PAICS: variants seen among roughly 807,000 people sequenced by gnomAD.
PAICS encodes the protein bifunctional phosphoribosylaminoimidazole carboxylase/phosphoribosylaminoimidazole succinocarboxamide synthetase.
PAICS carries 33 observed loss-of-function variants against 53.7 expected under a neutral mutation model. The observed-to-expected ratio is 0.61, with a 90% CI of 0.47 to 0.82. The LOEUF (loss-of-function observed/expected upper bound fraction) is 0.82. Ranked by LOEUF, PAICS falls within the 40% of genes least tolerant of loss-of-function variation. The probability of loss-of-function intolerance (pLI) is 0.00; values close to 1 mark genes in which losing one functional copy is unlikely to be tolerated. For missense variants in PAICS, 394 were observed against 494.1 expected, an observed-to-expected ratio of 0.80 and a Z score of 1.92; for synonymous variants, 141 against 167.2, an observed-to-expected ratio of 0.84 and a Z score of 1.21.
upstream of PAICS, chr4:56,436,062 C>G: frequency 1.3e-6 from 2 of 1,500,046 alleles, no homozygotes; most frequent in Non-Finnish European, 1.8e-6. Flanking sequence ...CGGGGCGGCC[C>G]GGAGGCGGGG....
chr4:56,460,698 C>T lies in PAICS; in HGVS notation c.*1160C>T, dbSNP rs146221824. 1 of 152,340 alleles carries T rather than the reference C, an allele frequency of 6.6e-6. No individual in the cohort carries two copies. The highest frequency in any genetic ancestry group is 1.5e-5 in the Non-Finnish European group (1 of 68,054). 9.4% of individuals were successfully genotyped at this position (152,340 alleles called of 1,614,324 possible). A position where few individuals can be genotyped will look rare whatever the true frequency, so the allele number is the denominator to read the frequency against. ...TAAGAATTGATGAGGTAGCTGGGCACAGTGGCTCACACCTACGATCACAGC... is the reference window on the plus strand; with the variant it reads ...TAAGAATTGATGAGGTAGCTGGGCATAGTGGCTCACACCTACGATCACAGC... On this transcript the variant is annotated 3_prime_UTR_variant, in exon 9 of 9. Coordinates refer to ENST00000512576, the MANE Select transcript of PAICS (RefSeq NM_001079524.2).
intron 1 of PAICS, among the ~76,000 whole-genome samples, chr4:56,440,654 T>G (rs1405444888): frequency 6.6e-6 from 1 of 152,228 alleles, no homozygotes; most frequent in African/African-American, 2.4e-5. Flanking sequence ...TTTCAACCTG[T>G]CACTTTCTTG....
chr4:56,453,758 AGTG>A lies in PAICS; in HGVS notation c.1111_1111+2del. 6.5e-7 allele frequency: 1 copy of A among 1,542,048 alleles called. No individual in the cohort carries two copies. Among genetic ancestry groups the A allele is most frequent in the Admixed American group, 2.0e-5 (1 of 50,880 alleles). ...TGTGTGGTCTTCTCTTCGACTACCC[AGTG>A]GTAAGATACATTGAATTTTTAAAAA... On this transcript the variant is annotated inframe_deletion and splice_region_variant, in exon 8 of 9. Transcript: ENST00000512576.
At chr4:56,457,214 C>G (rs2110099651) in intron 8 of PAICS, among the ~76,000 whole-genome samples, 1 of 152,150 alleles carries the variant, frequency 6.6e-6, no homozygotes, top group Non-Finnish European at 1.5e-5. Flanking sequence ...ATTGCCTGAG[C>G]TCAGCCTAGG....
At chr4:56,453,890 T>G (rs1217920576) in intron 8 of PAICS, 129 bp downstream of exon 8, 4 of 532,182 alleles carry the variant, frequency 7.5e-6, no homozygotes, top group Non-Finnish European at 1.3e-5. Context: ...TCTTGTTGTG[T>G]CTACAGCCAT....
At chr4:56,458,691 C>G (rs1199744583) in intron 8 of PAICS, among the ~76,000 whole-genome samples, 1 of 152,132 alleles carries the variant, frequency 6.6e-6, no homozygotes, top group Non-Finnish European at 1.5e-5. Context: ...CCAAGAATAT[C>G]GGGAAAATCG....
At chr4:56,449,459 T>G (rs774858801) in intron 5 of PAICS, among the ~76,000 whole-genome samples, 1 of 152,176 alleles carries the variant, frequency 6.6e-6, no homozygotes, top group Non-Finnish European at 1.5e-5. Context: ...GACAGTGTGG[T>G]GATTCCTCAA....
chr4:56,463,167 T>A lies in PAICS; in HGVS notation c.*3629T>A, dbSNP rs1270637434. 6.6e-6 allele frequency: 1 copy of A among 152,138 alleles called. No homozygotes were observed. The highest frequency in any genetic ancestry group is 1.5e-5 in the Non-Finnish European group (1 of 68,044). The allele number at this position is 152,138 out of a possible 1,614,324, so 9.4% of individuals were successfully genotyped here. ...CATTGAAAAGAGTTGTTTTTAATGGTGTTTTTACATCCAGCTTCCCACACC... is the reference window on the plus strand; with the variant it reads ...CATTGAAAAGAGTTGTTTTTAATGGAGTTTTTACATCCAGCTTCCCACACC... On this transcript the variant is annotated 3_prime_UTR_variant, in exon 9 of 9. Transcript: ENST00000512576.
chr4:56,459,991 G>A lies in PAICS; in HGVS notation c.*453G>A. 1 of 154,182 alleles carries A rather than the reference G, an allele frequency of 6.5e-6. No individual in the cohort carries two copies. The highest frequency in any genetic ancestry group is 1.4e-5 in the Non-Finnish European group (1 of 69,834). 9.6% of individuals were successfully genotyped at this position (154,182 alleles called of 1,614,324 possible). On this transcript the variant is annotated 3_prime_UTR_variant, in exon 9 of 9. Transcript: ENST00000512576. ...CTGCTGCTTTCCCTCCTGGGCTCAA[G>A]CAGTTCTCCCACCTCAGCCTCTCGA...
upstream of PAICS, chr4:56,431,630 T>C (rs1464582724): frequency 2.1e-6 from 1 of 477,760 alleles, no homozygotes; most frequent in African/African-American, 2.1e-5. Context: ...TGATAATTCA[T>C]TGAATGGAAG....
upstream of PAICS, chr4:56,435,622 G>A (rs774980557): frequency 2.7e-6 from 4 of 1,473,608 alleles, no homozygotes; most frequent in Non-Finnish European, 3.6e-6. Flanking sequence ...TACTGCGGCG[G>A]CGCGCGCTGT....
chr4:56,458,023 C>A (rs972433524), intron 8 of PAICS, among the ~76,000 whole-genome samples: 10 of 152,054 alleles, frequency 6.6e-5, no homozygotes, highest in Non-Finnish European at 8.8e-5. Flanking sequence ...TCAGCGGCTA[C>A]AAATAAAGCT....
At position 56,460,518 on chromosome 4, in the gene PAICS, A is replaced by G. The variant is rs977827588; in HGVS notation, c.*980A>G. On this transcript the variant is annotated 3_prime_UTR_variant, in exon 9 of 9. Coordinates refer to ENST00000512576, the MANE Select transcript of PAICS (RefSeq NM_001079524.2). ...CCACCCTTTTCCAAGTTGATTGCCC[A>G]AGGACTTCTAACAATAAACTCTCTT... 2 of 152,234 alleles carry G rather than the reference A, an allele frequency of 1.3e-5. No individual in the cohort carries two copies. The highest frequency in any genetic ancestry group is 2.9e-5 in the Non-Finnish European group (2 of 68,084). 9.4% of individuals were successfully genotyped at this position (152,234 alleles called of 1,614,324 possible).
At chr4:56,443,424 G>A (rs1296308138) in intron 2 of PAICS, among the ~76,000 whole-genome samples, 1 of 152,050 alleles carries the variant, frequency 6.6e-6, no homozygotes, top group African/African-American at 2.4e-5. Context: ...CTGGCCTTAA[G>A]TGATCCACCC....
intron 5 of PAICS, 29 bp from the exon 6 acceptor site, chr4:56,450,590 T>C: frequency 8.2e-7 from 1 of 1,219,214 alleles, no homozygotes; most frequent in Non-Finnish European, 1.2e-6. Flanking sequence ...GAGATACTTG[T>C]TTTCTAAACT....
Position 56,462,775 on chromosome 4 carries a change from T to C in PAICS, c.*3237T>C, listed in dbSNP as rs6842307. On this transcript the variant is annotated 3_prime_UTR_variant, in exon 9 of 9. Coordinates refer to ENST00000512576, the MANE Select transcript of PAICS (RefSeq NM_001079524.2). Reference sequence around the variant, plus strand: ...CAGCACTTTGGGTGGCCGAGGCAGGTGGATCACCTGAGATCAGGAGTTCGA... The same window carrying C: ...CAGCACTTTGGGTGGCCGAGGCAGGCGGATCACCTGAGATCAGGAGTTCGA... 46,171 of 151,806 alleles carry C rather than the reference T, an allele frequency of 0.3. 7,525 individuals are homozygous for C. The highest frequency in any genetic ancestry group is 0.47 in the East Asian group (2,413 of 5,158). 9.4% of individuals were successfully genotyped at this position (151,806 alleles called of 1,614,324 possible). A position where few individuals can be genotyped will look rare whatever the true frequency, so the allele number is the denominator to read the frequency against.
intron 3 of PAICS, among the ~76,000 whole-genome samples, chr4:56,447,830 G>C (rs1410900725): frequency 2.0e-5 from 3 of 151,954 alleles, no homozygotes; most frequent in Non-Finnish European, 4.4e-5. Context: ...GGAAAAAAAA[G>C]AGGAGTAATA....
the PAICS span, among the ~76,000 whole-genome samples, chr4:56,426,897 C>T: frequency 6.6e-6 from 1 of 152,172 alleles, no homozygotes; most frequent in Non-Finnish European, 1.5e-5. Flanking sequence ...ACAATAACTC[C>T]TCCATCCCAA....
chr4:56,441,524 A>G (rs1276260859), intron 1 of PAICS, 139 bp from the exon 2 acceptor site: 2 of 426,422 alleles, frequency 4.7e-6, no homozygotes, highest in East Asian at 3.5e-5. Flanking sequence ...TGTAGAGTAT[A>G]TGGTTTTATA....
Sources: allele counts gnomAD v4.1 joint callset (sites outside exome capture counted in the v4.1 genomes callset), GRCh38; gene constraint gnomAD v4.1.1; transcripts MANE v1.5; gene names NCBI Gene and HGNC (gene_info 2026-07-23, HGNC 2026-07-21).